KIF27: variants seen among roughly 807,000 people sequenced by gnomAD.
KIF27 encodes the protein kinesin family member 27.
A neutral mutation model predicts 141.8 loss-of-function variants in KIF27; 84 were observed. The ratio of observed to expected loss-of-function variants is 0.59; its 90% CI spans 0.50 to 0.71. The LOEUF is 0.71. Ranked by LOEUF, KIF27 falls within the 30% of genes least tolerant of loss-of-function variation. KIF27 has a pLI of 0.00. For missense variants in KIF27, 1,306 were observed against 1,628.4 expected (o/e 0.80, Z 3.41); for synonymous variants, 471 against 569.5 (o/e 0.83, Z 2.46).
At chr9:83,907,999 C>T (rs1954736708) in intron 3 of KIF27, among the ~76,000 whole-genome samples, 2 of 152,188 alleles carry the variant, frequency 1.3e-5, no homozygotes, top group African/African-American at 4.8e-5. Flanking sequence ...AGCAGTGGCT[C>T]ACGCCTGTAA....
Position 83,870,532 on chromosome 9 carries a change from A to G in KIF27, c.2744T>C (p.Ile915Thr), listed in dbSNP as rs1313346740. 1 of 1,613,860 alleles carries G rather than the reference A, an allele frequency of 6.2e-7. No individual in the cohort carries two copies. Among genetic ancestry groups the G allele is most frequent in the Admixed American group, 1.7e-5 (1 of 59,990 alleles). Reference protein sequence around the residue: ...LKRRKGSFGSIDHLQKLDEQK... With the variant: ...LKRRKGSFGSTDHLQKLDEQK... ...GAATTGACAAACCTGGAGATGGTCT[A>G]TACTTCCAAACGAACCTTTTCTCCT... is the stretch of plus-strand genomic sequence containing the variant. Residue 915 changes from isoleucine (I) to threonine (T), a missense_variant, in exon 12 of 18, where the codon ATA becomes ACA. Physicochemically the swap from Ile to Thr is moderately conservative, Grantham distance 89 (BLOSUM62 -1). This residue lies in a region of KIF27 where 596 missense variants were observed against 751.6 expected (regional missense o/e 0.79). Transcript: ENST00000297814.
In KIF27 at chr9:83,877,049, C is replaced by A. The variant is rs557367906; in HGVS notation, c.2643+3248G>T. 1.1e-4 allele frequency among the ~76,000 whole-genome samples: 17 copies of A among 152,174 alleles called. No homozygotes were observed. The South Asian group carries it at 3.5e-3, about 32-fold the overall frequency. Reference sequence around the variant, plus strand: ...CTATGATCATGGCACCGCACTTCAGCCTGGGTGACAGAGTGAGACCCTGTC... The same window carrying A: ...CTATGATCATGGCACCGCACTTCAGACTGGGTGACAGAGTGAGACCCTGTC... On this transcript the variant is annotated intron_variant, in intron 11 of 17. Transcript: ENST00000297814.
chr9:83,863,906 A>C (rs963820448), intron 13 of KIF27: 2 of 152,136 alleles, frequency 1.3e-5, no homozygotes, highest in African/African-American at 4.8e-5. Context: ...TAGTCTTGGG[A>C]GGGTGTATGT....
intron 11 of KIF27, among the ~76,000 whole-genome samples, chr9:83,874,883 A>C (rs934949471): frequency 5.4e-5 from 8 of 148,484 alleles, no homozygotes; most frequent in African/African-American, 2.0e-4. Flanking sequence ...ACAGTGAGCC[A>C]TGATCACATC....
At chr9:83,885,276 A>G (rs1366902638) in intron 9 of KIF27, among the ~76,000 whole-genome samples, 1 of 152,102 alleles carries the variant, frequency 6.6e-6, no homozygotes, top group Non-Finnish European at 1.5e-5. Context: ...TATTTTTAGT[A>G]GAGACAGGGT....
intron 3 of KIF27, among the ~76,000 whole-genome samples, chr9:83,905,190 C>T (rs1200139144): frequency 6.6e-6 from 1 of 151,780 alleles, no homozygotes; most frequent in Non-Finnish European, 1.5e-5. Flanking sequence ...GCAATCTCAG[C>T]TCACTGCAAG....
At chr9:83,872,512 T>G (rs1055658491) in intron 11 of KIF27, among the ~76,000 whole-genome samples, 31 of 152,188 alleles carry the variant, frequency 2.0e-4, no homozygotes, top group Non-Finnish European at 3.7e-4. Flanking sequence ...TTATAGCAAT[T>G]TGACAGAATA....
intron 2 of KIF27, among the ~76,000 whole-genome samples, chr9:83,912,036 T>C (rs1329104978): frequency 6.6e-6 from 1 of 152,116 alleles, no homozygotes; most frequent in East Asian, 1.9e-4. Flanking sequence ...GTAGTTAAAA[T>C]GGTAAGTTTG....
At chr9:83,884,167 C>T (rs923506936) in intron 9 of KIF27, 149 bp from the exon 10 acceptor site, 13 of 536,644 alleles carry the variant, frequency 2.4e-5, no homozygotes, top group Admixed American at 1.8e-4. Flanking sequence ...CCACCCACCC[C>T]CATCAAACAC....
At chr9:83,870,707 CTT>C (rs544179803) in intron 11 of KIF27, 75 bp from the exon 12 acceptor site, 54,355 of 1,181,916 alleles carry the variant, frequency 0.046, no homozygotes, top group East Asian at 0.071. Flanking sequence ...CAATTATTTT[CTT>C]TTTTTTTTTT....
At chr9:83,899,859 C>T (rs1007736516) in intron 4 of KIF27, 55 bp from the exon 5 acceptor site, 2 of 1,468,068 alleles carry the variant, frequency 1.4e-6, no homozygotes, top group East Asian at 2.3e-5. Context: ...ATCAAGAAAC[C>T]CCATATGATA....
chr9:83,858,537 CAA>C (rs917999356), intron 14 of KIF27: 1 of 152,044 alleles, frequency 6.6e-6, no homozygotes, highest in East Asian at 1.9e-4. Context: ...TGAAAAAAGA[CAA>C]AGTCTGGGGC....
intron 11 of KIF27, among the ~76,000 whole-genome samples, chr9:83,874,770 C>T (rs759645358): frequency 6.6e-6 from 1 of 151,172 alleles, no homozygotes; most frequent in Non-Finnish European, 1.5e-5. Flanking sequence ...CCTATCTCTA[C>T]AAAAAATTAA....
At chr9:83,878,400 T>C (rs900944393) in intron 11 of KIF27, among the ~76,000 whole-genome samples, 8 of 151,982 alleles carry the variant, frequency 5.3e-5, no homozygotes, top group Admixed American at 4.6e-4. Flanking sequence ...CCTAGGTACA[T>C]ACTCCTAGGT....
intron 14 of KIF27, among the ~76,000 whole-genome samples, chr9:83,854,722 C>T (rs1354643426): frequency 6.6e-6 from 1 of 152,094 alleles, no homozygotes; most frequent in Admixed American, 6.5e-5. Context: ...TTGAACTATC[C>T]AAATACATGT....
rs1945845319 is a variant in KIF27, at chr9:83,836,418, C to A, written c.*583G>T. 6.6e-6 allele frequency among the ~76,000 whole-genome samples: 1 copy of A among 151,476 alleles called. No homozygotes were observed. The highest frequency in any genetic ancestry group is 2.4e-5 in the African/African-American group (1 of 41,218). ...ATAGCATTATAAATTTTTAAAAATC[C>A]AAAAAAATTCCAGAAACAGAACAGT... On this transcript the variant is annotated 3_prime_UTR_variant, in exon 18 of 18. Coordinates refer to ENST00000297814, the MANE Select transcript of KIF27 (RefSeq NM_017576.4).
At chr9:83,914,461 G>A (rs555155321) in intron 2 of KIF27, among the ~76,000 whole-genome samples, 7 of 152,110 alleles carry the variant, frequency 4.6e-5, no homozygotes, top group South Asian at 2.1e-4. Context: ...TGCATTTAAT[G>A]AGAGAAGTTT....
At chr9:83,881,162 C>T (rs968662530) in intron 10 of KIF27, among the ~76,000 whole-genome samples, 4 of 151,924 alleles carry the variant, frequency 2.6e-5, no homozygotes, top group African/African-American at 7.3e-5. Flanking sequence ...ACTATTTTAA[C>T]ATTTATCTTA....
At chr9:83,898,146 G>A (rs565817189) in intron 5 of KIF27, among the ~76,000 whole-genome samples, 4 of 151,414 alleles carry the variant, frequency 2.6e-5, no homozygotes, top group Non-Finnish European at 5.9e-5. Flanking sequence ...GAAAATTCAC[G>A]AGAAAATTTC....
Sources: gnomAD v4.1 joint callset for allele counts (sites outside exome capture counted in the v4.1 genomes callset) on GRCh38, gnomAD v4.1.1 for gene constraint, gnomAD v4.1.1 regional missense constraint, MANE v1.5 for transcripts, NCBI Gene and HGNC (gene_info 2026-07-23, HGNC 2026-07-21) for gene names.